The following ADAM9 variants were observed in gnomAD, a reference collection of about 807,000 sequenced individuals.
ADAM9 encodes ADAM metallopeptidase domain 9.
ADAM9 carries 54 observed loss-of-function variants against 108.1 expected under a neutral mutation model. That is an observed-to-expected ratio of 0.50 (90% CI 0.40 to 0.63). The LOEUF (loss-of-function observed/expected upper bound fraction) is 0.63. Among genes scored for constraint, ADAM9 ranks in the 20% least tolerant of loss-of-function variants. ADAM9 has a pLI of 0.00. For synonymous variants in ADAM9, 316 were observed against 336.0 expected (o/e 0.94, Z 0.65); for missense variants, 830 against 997.7 (o/e 0.83, Z 2.26).
intron 14 of ADAM9, among the ~76,000 whole-genome samples, chr8:39,059,358 A>G (rs1450165304): frequency 6.6e-6 from 1 of 152,184 alleles, no homozygotes; most frequent in Non-Finnish European, 1.5e-5. Context: ...AACCTAGGGA[A>G]TGGTGTCATA....
chr8:39,094,087 A>G (rs1483354187), intron 20 of ADAM9, among the ~76,000 whole-genome samples: 2 of 152,200 alleles, frequency 1.3e-5, no homozygotes, highest in South Asian at 4.1e-4. Flanking sequence ...TGTTCTTTCT[A>G]TACAAATTTG....
chr8:39,076,266 AC>A (rs1172423277), intron 15 of ADAM9: 1 of 152,154 alleles, frequency 6.6e-6, no homozygotes, highest in Non-Finnish European at 1.5e-5. Flanking sequence ...TAGGATAGTG[AC>A]CTGGTGAAGT....
At chr8:39,007,072 A>G (rs1836186291) in intron 1 of ADAM9, among the ~76,000 whole-genome samples, 2 of 152,216 alleles carry the variant, frequency 1.3e-5, no homozygotes, top group Non-Finnish European at 2.9e-5. Flanking sequence ...TGCAGGCTGT[A>G]CAGGAAGCAT....
intron 20 of ADAM9, among the ~76,000 whole-genome samples, chr8:39,100,308 T>G (rs529545494): frequency 3.6e-4 from 54 of 151,310 alleles, no homozygotes; most frequent in Non-Finnish European, 3.0e-5. Context: ...GCTAACATGG[T>G]GAAACCCCGT....
At chr8:39,068,181 C>G (rs1838552227) in intron 14 of ADAM9, among the ~76,000 whole-genome samples, 1 of 152,220 alleles carries the variant, frequency 6.6e-6, no homozygotes, top group South Asian at 2.1e-4. Flanking sequence ...AGTCCCTGGT[C>G]CAAAGGAGGG....
intron 14 of ADAM9, among the ~76,000 whole-genome samples, chr8:39,069,754 A>G (rs1168464205): frequency 6.6e-6 from 1 of 152,222 alleles, no homozygotes; most frequent in Non-Finnish European, 1.5e-5. Context: ...AAATGGAAAT[A>G]GGACATATTG....
intron 5 of ADAM9, 114 bp from the exon 6 acceptor site, chr8:39,017,105 A>G (rs80217922): frequency 0.014 from 14,937 of 1,105,354 alleles, 137 homozygotes; most frequent in Middle Eastern, 0.044. Context: ...TTTCTTCTCT[A>G]TGTAATGCTA....
At chr8:39,087,137 AT>A (rs1244240677) in intron 18 of ADAM9, among the ~76,000 whole-genome samples, 2 of 152,156 alleles carry the variant, frequency 1.3e-5, no homozygotes, top group Non-Finnish European at 2.9e-5. Flanking sequence ...TACCAGCTCC[AT>A]CTCTTTAACT....
chr8:39,045,155 T>TGC (rs1369185607), intron 12 of ADAM9, among the ~76,000 whole-genome samples: 14 of 108,556 alleles, frequency 1.3e-4, no homozygotes, highest in African/African-American at 4.1e-4. Flanking sequence ...TATATATGTG[T>TGC]ATACATACAT....
intron 9 of ADAM9, among the ~76,000 whole-genome samples, chr8:39,023,791 G>T (rs528656491): frequency 6.7e-5 from 8 of 119,070 alleles, no homozygotes; most frequent in African/African-American, 2.7e-4. Flanking sequence ...CTGTTGCCCA[G>T]ACCAGAGTGC....
At chr8:39,012,086 G>A (rs537744608) in intron 3 of ADAM9, among the ~76,000 whole-genome samples, 9 of 152,248 alleles carry the variant, frequency 5.9e-5, no homozygotes, top group African/African-American at 1.7e-4. Flanking sequence ...CTTTAATAAA[G>A]GTAAAGGATA....
intron 20 of ADAM9, among the ~76,000 whole-genome samples, chr8:39,092,745 C>A (rs529414551): frequency 6.6e-6 from 1 of 151,954 alleles, no homozygotes; most frequent in Non-Finnish European, 1.5e-5. Context: ...AGTTTCAGGT[C>A]TTATGTTTAA....
rs1222049745 is a variant in ADAM9, at chr8:39,090,144, A to G, written c.2166A>G (p.Gln722=). The G allele has an allele frequency of 3.1e-6, 5 of 1,613,814 alleles. No individual in the cohort carries two copies. The African/African-American group carries it at 4.0e-5, about 13-fold the overall frequency. ...CAIFIFIKRD[Q]LWRSYFRKKR... is the part of the protein sequence containing the mutation. ...TTTTTATCTTCATCAAGAGGGATCA[A>G]CTGTGGAGAAGCTACTTCAGAAAGA... The change falls in exon 19 of 22, where the codon CAA becomes CAG. Residue 722 remains glutamine, a synonymous_variant. Coordinates refer to ENST00000487273, the MANE Select transcript of ADAM9 (RefSeq NM_003816.3).
chr8:39,018,706 A>G, intron 6 of ADAM9, 147 bp from the exon 7 acceptor site: 1 of 761,870 alleles, frequency 1.3e-6, no homozygotes. Flanking sequence ...TTCAAAAAAC[A>G]TATTTTTCAC....
At position 39,057,874 on chromosome 8, in the gene ADAM9, C is replaced by T. The variant is rs558036366; in HGVS notation, c.1591+2102C>T. Among the ~76,000 whole-genome samples the T allele has an allele frequency of 1.8e-4, 27 of 152,216 alleles. No individual in the cohort carries two copies. The South Asian group carries it at 5.6e-3, about 32-fold the overall frequency. On this transcript the variant is annotated intron_variant, in intron 14 of 21. Transcript: ENST00000487273. ...TTAAATATCTGGGGATTCTGTGGCT[C>T]AGTCAAATTAACTCTACTAAAAAGG...
chr8:39,042,203 T>C, intron 12 of ADAM9, 86 bp downstream of exon 12: 1 of 1,464,954 alleles, frequency 6.8e-7, no homozygotes, highest in African/African-American at 1.4e-5. Flanking sequence ...AACTCTGACA[T>C]AGGAGCTAAA....
chr8:39,067,874 T>C (rs568785601), intron 14 of ADAM9, among the ~76,000 whole-genome samples: 25 of 152,194 alleles, frequency 1.6e-4, no homozygotes, highest in Non-Finnish European at 2.6e-4. Flanking sequence ...TGATATTGGC[T>C]GTGGGTTTGT....
intron 14 of ADAM9, among the ~76,000 whole-genome samples, chr8:39,066,624 T>G (rs906685203): frequency 2.0e-5 from 3 of 152,254 alleles, no homozygotes; most frequent in Non-Finnish European, 4.4e-5. Context: ...TAAATTTGTT[T>G]GAGTTCTTTG....
chr8:39,079,569 A>G (rs536485028), intron 16 of ADAM9, among the ~76,000 whole-genome samples: 8 of 152,102 alleles, frequency 5.3e-5, no homozygotes, highest in Admixed American at 4.6e-4. Flanking sequence ...ACAATTTGAC[A>G]TAAGCCTATT....
Sources: gnomAD v4.1 joint callset for allele counts (sites outside exome capture counted in the v4.1 genomes callset) on GRCh38, gnomAD v4.1.1 for gene constraint, MANE v1.5 for transcripts, NCBI Gene and HGNC (gene_info 2026-07-23, HGNC 2026-07-21) for gene names.